The following ZNF626 variants were observed in gnomAD, a reference collection of about 807,000 sequenced individuals.
ZNF626 encodes the protein zinc finger protein 626.
ZNF626 carries 4 observed loss-of-function variants against 11.7 expected under a neutral mutation model. The observed-to-expected ratio is 0.34, with a 90% confidence interval of 0.17 to 0.78. ZNF626 has a LOEUF of 0.78. ZNF626 is among the 30% of genes least tolerant of loss of function. The probability of loss-of-function intolerance (pLI) is 0.57; values close to 1 mark genes in which losing one functional copy is unlikely to be tolerated. For missense variants in ZNF626, 588 were observed against 587.1 expected (o/e 1.00, Z -0.01); for synonymous variants, 179 against 198.6 (o/e 0.90, Z 0.83).
intron 1 of ZNF626, among the ~76,000 whole-genome samples, chr19:20,646,905 T>C (rs1431092786): frequency 6.6e-6 from 1 of 152,088 alleles, no homozygotes; most frequent in Non-Finnish European, 1.5e-5. Flanking sequence ...TGGAGTGAAA[T>C]GGTGCCATCT....
chr19:20,622,767 A>T lies in ZNF626; in HGVS notation c.*1523T>A, dbSNP rs1969772083. ...ACACTCTTATTTAATGTAATGTCTG[A>T]AGTGTCAGTGCCTTAGTTATTCTGT... On this transcript the variant is annotated 3_prime_UTR_variant, in exon 4 of 4. Coordinates refer to ENST00000601440, the MANE Select transcript of ZNF626 (RefSeq NM_001076675.3). The T allele has an allele frequency of 6.6e-6, 1 of 152,198 alleles. No individual in the cohort carries two copies. Among genetic ancestry groups the T allele is most frequent in the Non-Finnish European group, 1.5e-5 (1 of 68,022 alleles). The allele number at this position is 152,198 out of a possible 1,614,324, so 9.4% of individuals were successfully genotyped here.
At position 20,624,352 on chromosome 19, in the gene ZNF626, TAGA is replaced by T; in HGVS notation, c.1522_1524del (p.Ser508del). 7.0e-6 allele frequency: 10 copies of T among 1,436,038 alleles called. No homozygotes were observed. The highest frequency in any genetic ancestry group is 3.9e-5 in the South Asian group (3 of 76,168). The allele number at this position is 1,436,038 out of a possible 1,614,324, so 89.0% of individuals were successfully genotyped here. ...GGCTTTGCCACATTCTTCACATTTGTAGAATTTCTCTCCAGTATGATTCTCTCA... is the reference window on the plus strand; with the variant it reads ...GGCTTTGCCACATTCTTCACATTTGTATTTCTCTCCAGTATGATTCTCTCA... On this transcript the variant is annotated inframe_deletion, in exon 4 of 4. Transcript: ENST00000601440.
At chr19:20,648,960 G>C (rs1555772250) in intron 1 of ZNF626, among the ~76,000 whole-genome samples, 2 of 152,164 alleles carry the variant, frequency 1.3e-5, no homozygotes, top group Non-Finnish European at 2.9e-5. Flanking sequence ...CTTGACTATC[G>C]TAAGAATTTA....
intron 1 of ZNF626, among the ~76,000 whole-genome samples, chr19:20,656,633 C>T (rs1555773141): frequency 6.7e-6 from 1 of 150,088 alleles, no homozygotes; most frequent in African/African-American, 2.5e-5. Context: ...GCAAATAACA[C>T]GAACAGATGC....
chr19:20,621,658 C>G lies in ZNF626; in HGVS notation c.*2632G>C, dbSNP rs1969759592. 6.6e-6 allele frequency: 1 copy of G among 152,196 alleles called. No homozygotes were observed. Among genetic ancestry groups the G allele is most frequent in the Admixed American group, 6.5e-5 (1 of 15,284 alleles). 9.4% of individuals were successfully genotyped at this position (152,196 alleles called of 1,614,324 possible). A position where few individuals can be genotyped will look rare whatever the true frequency, so the allele number is the denominator to read the frequency against. ...GACATATATACACATACTATATACT[C>G]ACAGATAGTAATAATAAATTAAGAA... On this transcript the variant is annotated 3_prime_UTR_variant, in exon 4 of 4. Transcript: ENST00000601440.
At position 20,621,729 on chromosome 19, in the gene ZNF626, A is replaced by G. The variant is rs1555768767; in HGVS notation, c.*2561T>C. The G allele has an allele frequency of 1.3e-5, 2 of 152,214 alleles. No homozygotes were observed. The highest frequency in any genetic ancestry group is 2.9e-5 in the Non-Finnish European group (2 of 68,042). The allele number at this position is 152,214 out of a possible 1,614,324, so 9.4% of individuals were successfully genotyped here. The stretch of plus-strand genomic sequence containing the variant: ...AACGGGAACAATATTCTTCATTTGC[A>G]GTTTACTGGCAAAGTGATTACTAGT... On this transcript the variant is annotated 3_prime_UTR_variant, in exon 4 of 4. Transcript: ENST00000601440.
chr19:20,631,240 T>C (rs1209424083), intron 3 of ZNF626, among the ~76,000 whole-genome samples: 1 of 151,946 alleles, frequency 6.6e-6, no homozygotes, highest in Non-Finnish European at 1.5e-5. Flanking sequence ...CTGAAAATAA[T>C]GTATATTCTG....
rs1160398043 is a variant in ZNF626, at chr19:20,623,767, C to G, written c.*523G>C. On this transcript the variant is annotated 3_prime_UTR_variant, in exon 4 of 4. Transcript: ENST00000601440. ...TGAGCCGAGACTGTGCTATTGCACA[C>G]CAGACTGGGTGACAAGAGTTGAAAC... 1 of 246,988 alleles carries G rather than the reference C, an allele frequency of 4.0e-6. No individual in the cohort carries two copies. Among genetic ancestry groups the G allele is most frequent in the African/African-American group, 2.4e-5 (1 of 41,448 alleles). The allele number at this position is 246,988 out of a possible 1,614,324, so 15.3% of individuals were successfully genotyped here. A position where few individuals can be genotyped will look rare whatever the true frequency, so the allele number is the denominator to read the frequency against.
chr19:20,634,288 G>A (rs576554811), intron 3 of ZNF626, among the ~76,000 whole-genome samples: 7 of 152,224 alleles, frequency 4.6e-5, no homozygotes, highest in African/African-American at 1.7e-4. Flanking sequence ...AGACTAGAAG[G>A]CAGTAAAAAA....
intron 3 of ZNF626, among the ~76,000 whole-genome samples, chr19:20,640,026 G>T (rs2144778607): frequency 6.6e-6 from 1 of 152,098 alleles, no homozygotes; most frequent in South Asian, 2.1e-4. Context: ...GAACCCTTCT[G>T]TATATGATGA....
Position 20,624,392 on chromosome 19 carries a change from G to C in ZNF626, c.1485C>G (p.Ile495Met). ...GTATGATTCTCTCATGTGTAGTAAG[G>C]ATTGAGGACTGGTTGAAGGCTTTGC... Reference protein sequence around the residue: ...ECGKAFNQSSILTTHERIILE... With the variant: ...ECGKAFNQSSMLTTHERIILE... Residue 495 changes from isoleucine to methionine, a missense_variant, in exon 4 of 4, where the codon ATC (isoleucine) becomes ATG (methionine). By Grantham distance (10) the Ile-to-Met change is conservative (BLOSUM62 1). Coordinates refer to ENST00000601440, the MANE Select transcript of ZNF626 (RefSeq NM_001076675.3). The C allele has an allele frequency of 2.7e-6, 2 of 745,506 alleles. 1 individual carries two copies. 46.2% of individuals were successfully genotyped at this position (745,506 alleles called of 1,614,324 possible).
At position 20,623,868 on chromosome 19, in the gene ZNF626, T is replaced by C. The variant is rs1277017639; in HGVS notation, c.*422A>G. 5 of 345,580 alleles carry C rather than the reference T, an allele frequency of 1.4e-5. No individual in the cohort carries two copies. Among genetic ancestry groups the C allele is most frequent in the South Asian group, 2.7e-5 (1 of 36,938 alleles). The allele number at this position is 345,580 out of a possible 1,614,324, so 21.4% of individuals were successfully genotyped here. The stretch of plus-strand genomic sequence containing the variant: ...ACATTCTTCACACTTGTAGGGTTTC[T>C]TTCCAGTATGAATTATGTGTAATAA... On this transcript the variant is annotated 3_prime_UTR_variant, in exon 4 of 4. Transcript: ENST00000601440.
At chr19:20,659,721 T>TA (rs2144798794) in intron 1 of ZNF626, among the ~76,000 whole-genome samples, 1 of 40,194 alleles carries the variant, frequency 2.5e-5, no homozygotes, top group Non-Finnish European at 3.8e-5. Flanking sequence ...TAGGAATTCA[T>TA]TTTTTTTTTA....
At chr19:20,643,568 AAATAG>A (rs1229456610) in intron 3 of ZNF626, among the ~76,000 whole-genome samples, 5 of 152,190 alleles carry the variant, frequency 3.3e-5, no homozygotes, top group Non-Finnish European at 2.9e-5. Context: ...TACAAATTTG[AAATAG>A]AATATAGAAA....
chr19:20,661,329 TG>T (rs1970265334), intron 1 of ZNF626, 114 bp downstream of exon 1: 2 of 1,386,700 alleles, frequency 1.4e-6, no homozygotes, highest in Non-Finnish European at 1.0e-6. Flanking sequence ...CAAGGAGAAC[TG>T]GGGGAGCAGA....
intron 1 of ZNF626, 40 bp from the exon 2 acceptor site, chr19:20,646,445 T>C: frequency 6.2e-7 from 1 of 1,613,098 alleles, no homozygotes; most frequent in South Asian, 1.1e-5. Flanking sequence ...CAAGTGGCCA[T>C]GGGCGGAATT....
intron 1 of ZNF626, among the ~76,000 whole-genome samples, chr19:20,648,973 GAAGT>G (rs368840410): frequency 5.3e-5 from 8 of 152,190 alleles, no homozygotes; most frequent in African/African-American, 1.9e-4. Flanking sequence ...AGAATTTAAA[GAAGT>G]AATTAAGCCA....
intron 3 of ZNF626, among the ~76,000 whole-genome samples, chr19:20,637,061 C>T (rs1445906682): frequency 6.7e-6 from 1 of 149,350 alleles, no homozygotes; most frequent in Non-Finnish European, 1.5e-5. Flanking sequence ...TGGTGCCCAC[C>T]ACACTCCATC....
Position 20,622,398 on chromosome 19 carries a change from A to G in ZNF626, c.*1892T>C, listed in dbSNP as rs1438506185. 3.9e-5 allele frequency: 6 copies of G among 152,266 alleles called. No homozygotes were observed. Among genetic ancestry groups the G allele is most frequent in the Admixed American group, 3.9e-4 (6 of 15,278 alleles). 9.4% of individuals were successfully genotyped at this position (152,266 alleles called of 1,614,324 possible). A position where few individuals can be genotyped will look rare whatever the true frequency, so the allele number is the denominator to read the frequency against. ...ACATTACTTAATATAGGTTAACTACAATGAGCCTCTCCACTTATATTTTCG... is the reference window on the plus strand; with the variant it reads ...ACATTACTTAATATAGGTTAACTACGATGAGCCTCTCCACTTATATTTTCG... On this transcript the variant is annotated 3_prime_UTR_variant, in exon 4 of 4. Coordinates refer to ENST00000601440, the MANE Select transcript of ZNF626 (RefSeq NM_001076675.3).
Sources: gnomAD v4.1 joint callset for allele counts (sites outside exome capture counted in the v4.1 genomes callset) on GRCh38, gnomAD v4.1.1 for gene constraint, MANE v1.5 for transcripts, NCBI Gene and HGNC (gene_info 2026-07-23, HGNC 2026-07-21) for gene names.